Variants in MALAT1 observed in about 807,000 individuals in gnomAD.
MALAT1 encodes metastasis associated lung adenocarcinoma transcript 1.
At chr11:65,502,145 C>T (rs749000714) in exon 3 of MALAT1, 9 of 516,454 alleles carry the variant, frequency 1.7e-5, no homozygotes, top group South Asian at 4.2e-5. Flanking sequence ...ATCTGTTTTC[C>T]TTCAAAGTAT....
intron 1 of MALAT1, chr11:65,498,144 T>C (rs533622946): frequency 2.1e-4 from 110 of 518,904 alleles, no homozygotes; most frequent in Middle Eastern, 1.6e-3. Context: ...CCCAGAGCAG[T>C]GTAAACACTT....
chr11:65,500,936 C>A (rs1334871240), exon 3 of MALAT1: 2 of 512,310 alleles, frequency 3.9e-6, no homozygotes, highest in South Asian at 2.9e-5. Flanking sequence ...GGCTTATACT[C>A]ATGAATCTTG....
chr11:65,500,292 T>C, exon 3 of MALAT1: 1 of 518,900 alleles, frequency 1.9e-6, no homozygotes, highest in Non-Finnish European at 3.8e-6. Flanking sequence ...GTAACGGAAG[T>C]AATTCAAGAT....
At chr11:65,498,779 G>C (rs758703618) in intron 2 of MALAT1, 16 of 518,748 alleles carry the variant, frequency 3.1e-5, no homozygotes, top group Non-Finnish European at 6.2e-5. Context: ...TTGATGACCC[G>C]TTTAAAATAT....
intron 1 of MALAT1, chr11:65,498,102 A>C (rs753999742): frequency 1.9e-6 from 1 of 518,948 alleles, no homozygotes; most frequent in Non-Finnish European, 3.8e-6. Context: ...ATAACACAGA[A>C]TCTGCAAAAC....
exon 3 of MALAT1, chr11:65,501,477 T>C (rs1347925393): frequency 1.9e-6 from 1 of 515,608 alleles, no homozygotes; most frequent in Non-Finnish European, 3.9e-6. Context: ...TAATCAGACT[T>C]TAAAAGTGCT....
At chr11:65,500,820 CTTTTA>C (rs1854529050) in exon 3 of MALAT1, 1 of 518,728 alleles carries the variant, frequency 1.9e-6, no homozygotes, top group Non-Finnish European at 3.8e-6. Flanking sequence ...TTATGGTAAC[CTTTTA>C]TTTATTTTCT....
At chr11:65,502,231 G>T in exon 3 of MALAT1, 1 of 518,880 alleles carries the variant, frequency 1.9e-6, no homozygotes, top group South Asian at 1.4e-5. Context: ...ACAATTATGG[G>T]AAATGCAAAA....
At chr11:65,506,001 C>T (rs183218611) in intron 3 of MALAT1, 8 of 465,124 alleles carry the variant, frequency 1.7e-5, no homozygotes, top group Admixed American at 1.6e-4. Context: ...AAGCTGATCT[C>T]CAATGCTCTT....
exon 3 of MALAT1, chr11:65,499,885 A>G: frequency 2.3e-6 from 1 of 431,172 alleles, no homozygotes; most frequent in South Asian, 1.7e-5. Flanking sequence ...AAATATTGTC[A>G]AGAGTTTCAG....
exon 3 of MALAT1, chr11:65,503,075 T>C (rs758512610): frequency 1.2e-5 from 6 of 510,870 alleles, no homozygotes; most frequent in South Asian, 7.1e-5. Context: ...ATCAAGTGGA[T>C]TGAGGAGGCT....
intron 3 of MALAT1, chr11:65,504,361 C>T (rs3200401): frequency 0.17 from 87,995 of 516,094 alleles, 8,189 homozygotes; most frequent in Middle Eastern, 0.29. Flanking sequence ...GACTTCAGGT[C>T]TGTCTGTTCT....
At chr11:65,502,551 T>A (rs747499869) in exon 3 of MALAT1, 4 of 484,326 alleles carry the variant, frequency 8.3e-6, no homozygotes, top group Admixed American at 2.5e-5. Context: ...TGTAACTGAT[T>A]AAGAATTGTG....
exon 3 of MALAT1, chr11:65,500,721 C>T (rs1854526366): frequency 5.8e-6 from 3 of 518,866 alleles, no homozygotes; most frequent in South Asian, 2.8e-5. Context: ...GATCCTAGAC[C>T]AGCATGCCAG....
intron 3 of MALAT1, chr11:65,505,686 G>C (rs778434217): frequency 5.8e-6 from 3 of 518,918 alleles, no homozygotes; most frequent in East Asian, 1.1e-4. Context: ...CGAGGTCTTT[G>C]GTGGGTTGAA....
At chr11:65,503,019 TA>T in exon 3 of MALAT1, 1 of 505,028 alleles carries the variant, frequency 2.0e-6, no homozygotes, top group East Asian at 5.5e-5. Flanking sequence ...TACACTACAT[TA>T]ATCCTGGAAT....
chr11:65,498,960 C>G lies in MALAT1; in HGVS notation n.232-9C>G, dbSNP rs745771485. ...AACCGAAGAACTACTTTTTGCCTCC[C>G]TCACAAAGGCGGCGGAAGGTGATCG... On this transcript the variant is annotated splice_polypyrimidine_tract_variant and intron_variant and non_coding_transcript_variant, in intron 2 of 3. Transcript: ENST00000619449. 4 of 518,660 alleles carry G rather than the reference C, an allele frequency of 7.7e-6. No individual in the cohort carries two copies. The Admixed American group carries it at 7.8e-5, about 10-fold the overall frequency. 32.1% of individuals were successfully genotyped at this position (518,660 alleles called of 1,614,324 possible).
chr11:65,500,918 CTT>C (rs1565052112), exon 3 of MALAT1: 1 of 512,862 alleles, frequency 1.9e-6, no homozygotes, highest in South Asian at 1.4e-5. Flanking sequence ...GTAGGTTTCT[CTT>C]TTTCAGGCTT....
In MALAT1 at chr11:65,501,109, G is replaced by A. The variant is rs770552816; in HGVS notation, n.2372G>A. The A allele has an allele frequency of 4.3e-5, 22 of 516,174 alleles. No individual in the cohort carries two copies. The East Asian group carries it at 1.2e-3, about 28-fold the overall frequency. The allele number at this position is 516,174 out of a possible 1,614,324, so 32.0% of individuals were successfully genotyped here. On this transcript the variant is annotated non_coding_transcript_exon_variant, in exon 3 of 4. Coordinates refer to ENST00000619449, the Ensembl canonical transcript of MALAT1. ...TAAGCAGTTTGTATGTTTAGTTGGG[G>A]TAATGAAGTATTTCAGTTTTGTGAA...
Sources: gnomAD v4.1 joint callset for allele counts on GRCh38, gnomAD v4.1.1 for gene constraint, MANE v1.5 for transcripts, NCBI Gene and HGNC (gene_info 2026-07-23, HGNC 2026-07-21) for gene names.